SH3GLB1: variants seen among roughly 807,000 people sequenced by gnomAD.
SH3GLB1 encodes SH3 domain containing GRB2 like, endophilin B1, also known as endophilin-B1.
Under a neutral mutation model 42.0 loss-of-function variants are expected in SH3GLB1, and 17 were observed. That is an observed-to-expected ratio of 0.40 (90% CI 0.28 to 0.61). The LOEUF (loss-of-function observed/expected upper bound fraction) is 0.61. Ranked by LOEUF, SH3GLB1 falls within the 20% of genes least tolerant of loss-of-function variation. SH3GLB1 has a pLI of 0.36. For missense variants in SH3GLB1, 355 were observed against 426.3 expected (o/e 0.83, Z 1.47); for synonymous variants, 132 against 146.6 (o/e 0.90, Z 0.72).
At chr1:86,709,202 T>G (rs762442559) in intron 1 of SH3GLB1, among the ~76,000 whole-genome samples, 1 of 152,212 alleles carries the variant, frequency 6.6e-6, no homozygotes, top group Non-Finnish European at 1.5e-5. Flanking sequence ...CTTTCTTTAA[T>G]AAGTTTGTAT....
Position 86,722,558 on chromosome 1 carries a change from G to A in SH3GLB1, c.362G>A (p.Cys121Tyr). The part of the protein sequence containing the change: ...GTAYGNALIK[C>Y]GETQKRIGTA... ...TTTGCAGGTAATGCCCTTATTAAAT[G>A]TGGAGAAACCCAAAAAAGAATTGGA... The change falls in exon 4 of 9, where the codon TGT becomes TAT. Residue 121 changes from cysteine to tyrosine, a missense_variant. Physicochemically the swap from Cys to Tyr is radical, Grantham distance 194. Transcript: ENST00000370558. The A allele has an allele frequency of 6.3e-7, 1 of 1,595,752 alleles. No homozygotes were observed. The highest frequency in any genetic ancestry group is 1.8e-5 in the Admixed American group (1 of 56,400).
At chr1:86,713,771 A>C (rs61802922) in intron 1 of SH3GLB1, among the ~76,000 whole-genome samples, 2 of 152,024 alleles carry the variant, frequency 1.3e-5, no homozygotes, top group Non-Finnish European at 2.9e-5. Context: ...CTTTCTCTGT[A>C]CTTGGATTTG....
At chr1:86,728,925 A>C (rs987263110) in intron 5 of SH3GLB1, among the ~76,000 whole-genome samples, 4 of 152,114 alleles carry the variant, frequency 2.6e-5, no homozygotes, top group African/African-American at 9.7e-5. Context: ...CTGCCATTTC[A>C]GGCCAAGACA....
chr1:86,732,488 TTATGATCAATTATA>T (rs1183991948), intron 5 of SH3GLB1, among the ~76,000 whole-genome samples: 2 of 152,230 alleles, frequency 1.3e-5, no homozygotes, highest in East Asian at 3.8e-4. Flanking sequence ...AGATCAGTTA[TTATGATCAATTATA>T]TATGCCAGAA....
chr1:86,716,384 T>TCTGC (rs1570414680), intron 2 of SH3GLB1, among the ~76,000 whole-genome samples: 1 of 152,018 alleles, frequency 6.6e-6, no homozygotes, highest in East Asian at 1.9e-4. Flanking sequence ...AAGCAATTCT[T>TCTGC]CTGCCTCAGC....
At chr1:86,733,905 T>C (rs1655644776) in intron 5 of SH3GLB1, among the ~76,000 whole-genome samples, 2 of 152,154 alleles carry the variant, frequency 1.3e-5, no homozygotes, top group African/African-American at 4.8e-5. Flanking sequence ...GGGAAGAATT[T>C]AACAGCACAC....
chr1:86,710,627 A>G (rs1654159195), intron 1 of SH3GLB1, among the ~76,000 whole-genome samples: 2 of 152,128 alleles, frequency 1.3e-5, no homozygotes, highest in Admixed American at 1.3e-4. Context: ...TCTTAACCAC[A>G]CCCAACTGAT....
rs752756993 is a variant in SH3GLB1 at position 86,719,646 on chromosome 1, T to A, written c.343+11T>A. ...CAGGAACAGCTTATGGTAAGTGAAATGCAAAAAGTTCTAATAAGGGATATC... is the reference window on the plus strand; with the variant it reads ...CAGGAACAGCTTATGGTAAGTGAAAAGCAAAAAGTTCTAATAAGGGATATC... On this transcript the variant is annotated intron_variant, in intron 3 of 8. Coordinates refer to ENST00000370558, the MANE Select transcript of SH3GLB1 (RefSeq NM_016009.5). 6.3e-7 allele frequency: 1 copy of A among 1,599,022 alleles called. No individual in the cohort carries two copies. Among genetic ancestry groups the A allele is most frequent in the East Asian group, 2.3e-5 (1 of 44,134 alleles).
rs188991466 is a variant in SH3GLB1, at chr1:86,713,899, C to T, written c.73-1825C>T. 2.3e-3 allele frequency among the ~76,000 whole-genome samples: 354 copies of T among 152,320 alleles called. 1 individual carries two copies. The highest frequency in any genetic ancestry group is 4.2e-3 in the Non-Finnish European group (287 of 68,030). On this transcript the variant is annotated intron_variant, in intron 1 of 8. Transcript: ENST00000370558. The stretch of plus-strand genomic sequence containing the variant: ...TCTGTCTTTGCCATTAAAATGTAAG[C>T]TTCCTAAGAACAGAAACCTTATATG...
At position 86,743,829 on chromosome 1, in the gene SH3GLB1, AAC is replaced by A. The variant is rs1328249077; in HGVS notation, c.*597_*598del. ...ATTTTCAGAGTTGTTTGGTTTTTTA[AAC>A]ACTACTGAATGGTTTCTTTTAAATT... On this transcript the variant is annotated 3_prime_UTR_variant, in exon 9 of 9. Coordinates refer to ENST00000370558, the MANE Select transcript of SH3GLB1 (RefSeq NM_016009.5). 2 of 152,566 alleles carry A rather than the reference AAC, an allele frequency of 1.3e-5. No individual in the cohort carries two copies. Among genetic ancestry groups the A allele is most frequent in the African/African-American group, 4.8e-5 (2 of 41,458 alleles). The allele number at this position is 152,566 out of a possible 1,614,324, so 9.5% of individuals were successfully genotyped here.
chr1:86,714,074 T>A (rs1654374105), intron 1 of SH3GLB1, among the ~76,000 whole-genome samples: 1 of 152,222 alleles, frequency 6.6e-6, no homozygotes, highest in Admixed American at 6.5e-5. Flanking sequence ...CAGTTTCAAT[T>A]TTTAAGGGGC....
In SH3GLB1 at chr1:86,704,966, G is replaced by A; in HGVS notation, c.67G>A (p.Val23Met). Residue 23 changes from valine to methionine, a missense_variant, in exon 1 of 9, where the codon GTG becomes ATG. By Grantham distance (21) the Val-to-Met change is conservative. Transcript: ENST00000370558. ...CGCAGGCACCTTCCTCAGTCGCGCCGTGCAGGTACCCTGGTGCTGGGGGGA... is the reference window on the plus strand; with the variant it reads ...CGCAGGCACCTTCCTCAGTCGCGCCATGCAGGTACCCTGGTGCTGGGGGGA... ...ADAGTFLSRA[V>M]QFTEEKLGQA... is the part of the protein sequence containing the mutation. 1 of 1,577,166 alleles carries A rather than the reference G, an allele frequency of 6.3e-7. No individual in the cohort carries two copies. Among genetic ancestry groups the A allele is most frequent in the Non-Finnish European group, 8.6e-7 (1 of 1,163,922 alleles).
At chr1:86,707,212 G>A (rs949461153) in intron 1 of SH3GLB1, among the ~76,000 whole-genome samples, 1 of 152,200 alleles carries the variant, frequency 6.6e-6, no homozygotes, top group Non-Finnish European at 1.5e-5. Context: ...ATCGTGTATA[G>A]ATAGGATGGT....
intron 7 of SH3GLB1, among the ~76,000 whole-genome samples, chr1:86,736,755 G>A (rs1042717720): frequency 3.3e-5 from 5 of 152,182 alleles, no homozygotes; most frequent in Non-Finnish European, 7.4e-5. Flanking sequence ...TTCTAGAAAA[G>A]AAAGTCTAGC....
At chr1:86,712,093 T>C (rs1363665202) in intron 1 of SH3GLB1, among the ~76,000 whole-genome samples, 2 of 152,154 alleles carry the variant, frequency 1.3e-5, no homozygotes, top group Non-Finnish European at 2.9e-5. Flanking sequence ...ATATTATGTC[T>C]TTTACAATTA....
intron 5 of SH3GLB1, among the ~76,000 whole-genome samples, chr1:86,728,243 CAGTTTCACA>C (rs1442087363): frequency 6.6e-6 from 1 of 151,976 alleles, no homozygotes; most frequent in East Asian, 1.9e-4. Context: ...CCACTATATG[CAGTTTCACA>C]GAACAATAAA....
chr1:86,743,391 TA>T lies in SH3GLB1; in HGVS notation c.*159del. ...CCTTTCTGCCAATAAAGTTGCATGG[TA>T]AATATTTCATTACAGAATTTATGTT... On this transcript the variant is annotated 3_prime_UTR_variant, in exon 9 of 9. Transcript: ENST00000370558. 1 of 417,808 alleles carries T rather than the reference TA, an allele frequency of 2.4e-6. No homozygotes were observed. Among genetic ancestry groups the T allele is most frequent in the Non-Finnish European group, 4.3e-6 (1 of 234,700 alleles). The allele number at this position is 417,808 out of a possible 1,614,324, so 25.9% of individuals were successfully genotyped here.
At chr1:86,709,135 T>C (rs772639686) in intron 1 of SH3GLB1, among the ~76,000 whole-genome samples, 2 of 152,232 alleles carry the variant, frequency 1.3e-5, no homozygotes, top group Non-Finnish European at 2.9e-5. Flanking sequence ...GTGGCACTTT[T>C]CTTCTAATGA....
intron 1 of SH3GLB1, among the ~76,000 whole-genome samples, chr1:86,710,019 T>C (rs1654106477): frequency 6.6e-6 from 1 of 152,240 alleles, no homozygotes; most frequent in African/African-American, 2.4e-5. Context: ...ACCATGTTTC[T>C]TAAATTCTAA....
Sources: gnomAD v4.1 joint callset for allele counts (sites outside exome capture counted in the v4.1 genomes callset) on GRCh38, gnomAD v4.1.1 for gene constraint, MANE v1.5 for transcripts, NCBI Gene and HGNC (gene_info 2026-07-23, HGNC 2026-07-21) for gene names.